The following CGNL1 variants were observed in gnomAD, a reference collection of about 807,000 sequenced individuals.
CGNL1 encodes the protein cingulin like 1.
In CGNL1, 132 loss-of-function variants were observed where a neutral mutation model predicts 141.2. That is an observed-to-expected ratio of 0.93 (90% CI 0.81 to 1.08). The LOEUF is 1.08. CGNL1 is among the 50% of genes least tolerant of loss of function. CGNL1 has a pLI of 0.00. For missense variants in CGNL1, 1,870 were observed against 1,588.6 expected (o/e 1.18, Z -3.01); for synonymous variants, 690 against 622.1 (o/e 1.11, Z -1.63).
chr15:57,396,473 A>G (rs532064511), intron 1 of CGNL1, among the ~76,000 whole-genome samples: 1 of 152,022 alleles, frequency 6.6e-6, no homozygotes, highest in Admixed American at 6.5e-5. Flanking sequence ...GGGTTTCGCC[A>G]TGTTGGCCAG....
At chr15:57,477,500 C>A (rs2063671994) in intron 8 of CGNL1, 2 of 152,150 alleles carry the variant, frequency 1.3e-5, no homozygotes, top group African/African-American at 4.8e-5. Flanking sequence ...GTATTTTGAG[C>A]CAGTTGGGTT....
At chr15:57,486,323 T>A (rs2063784807) in intron 8 of CGNL1, among the ~76,000 whole-genome samples, 1 of 151,772 alleles carries the variant, frequency 6.6e-6, no homozygotes, top group Non-Finnish European at 1.5e-5. Context: ...TTTGTGGAAA[T>A]GGGAATGATA....
At chr15:57,458,902 A>C (rs1348059711) in intron 7 of CGNL1, among the ~76,000 whole-genome samples, 1 of 152,240 alleles carries the variant, frequency 6.6e-6, no homozygotes. Context: ...AATGCCTGCT[A>C]GTTAGATTCT....
At chr15:57,419,675 C>T (rs1002216893) in intron 1 of CGNL1, among the ~76,000 whole-genome samples, 1 of 152,184 alleles carries the variant, frequency 6.6e-6, no homozygotes, top group Non-Finnish European at 1.5e-5. Context: ...ATAAAGCACC[C>T]TTCTCATCAA....
At chr15:57,485,099 C>T (rs578233789) in intron 8 of CGNL1, among the ~76,000 whole-genome samples, 29 of 151,902 alleles carry the variant, frequency 1.9e-4, no homozygotes, top group African/African-American at 6.5e-4. Flanking sequence ...CATTTAATGC[C>T]ATATATTTTA....
At chr15:57,440,277 A>G in intron 2 of CGNL1, 100 bp from the exon 3 acceptor site, 1 of 803,532 alleles carries the variant, frequency 1.2e-6, no homozygotes, top group Non-Finnish European at 2.0e-6. Context: ...TAAATGTTGT[A>G]ACTGGCTCTA....
chr15:57,427,319 T>A (rs766479197), intron 1 of CGNL1, among the ~76,000 whole-genome samples: 63 of 152,348 alleles, frequency 4.1e-4, no homozygotes, highest in Non-Finnish European at 7.8e-4. Context: ...ATCTTCCATG[T>A]TTTTAATAGC....
At chr15:57,386,328 C>T (rs368649020) in intron 1 of CGNL1, among the ~76,000 whole-genome samples, 52 of 152,304 alleles carry the variant, frequency 3.4e-4, no homozygotes, top group East Asian at 1.2e-3. Context: ...CCTCCCATCT[C>T]GTCATGTTGC....
intron 6 of CGNL1, 63 bp downstream of exon 6, chr15:57,452,352 T>C: frequency 6.8e-7 from 1 of 1,468,088 alleles, no homozygotes; most frequent in Non-Finnish European, 9.2e-7. Context: ...AGCTAGAAAC[T>C]TTCTGTCCAT....
At chr15:57,444,582 T>A (rs1000640569) in intron 4 of CGNL1, among the ~76,000 whole-genome samples, 1 of 152,212 alleles carries the variant, frequency 6.6e-6, no homozygotes, top group Non-Finnish European at 1.5e-5. Context: ...GTGAACAGCC[T>A]GAACTGGGTA....
chr15:57,380,423 A>G (rs2062411743), intron 1 of CGNL1, among the ~76,000 whole-genome samples: 1 of 152,182 alleles, frequency 6.6e-6, no homozygotes, highest in African/African-American at 2.4e-5. Flanking sequence ...GGCCTGAGTC[A>G]GGTGGGGATG....
chr15:57,545,540 C>T, intron 16 of CGNL1, 52 bp from the exon 17 acceptor site: 1 of 1,531,084 alleles, frequency 6.5e-7, no homozygotes, highest in Non-Finnish European at 8.9e-7. Flanking sequence ...AGGCTGGGCC[C>T]CCTGCAGGGA....
At chr15:57,436,821 G>A (rs2152303374) in intron 1 of CGNL1, among the ~76,000 whole-genome samples, 1 of 152,182 alleles carries the variant, frequency 6.6e-6, no homozygotes, top group Non-Finnish European at 1.5e-5. Flanking sequence ...TATTCTACCA[G>A]TGTAATCAAG....
At chr15:57,444,868 T>G (rs1167808352) in intron 4 of CGNL1, among the ~76,000 whole-genome samples, 1 of 152,204 alleles carries the variant, frequency 6.6e-6, no homozygotes, top group Non-Finnish European at 1.5e-5. Context: ...GTTACCATTG[T>G]TGGATTTTAA....
intron 8 of CGNL1, among the ~76,000 whole-genome samples, chr15:57,484,102 A>T (rs1427426375): frequency 6.6e-6 from 1 of 152,152 alleles, no homozygotes; most frequent in Non-Finnish European, 1.5e-5. Context: ...TTTGATATTG[A>T]ATAATACTGA....
chr15:57,439,128 A>G lies in CGNL1; in HGVS notation c.1129A>G (p.Arg377Gly), dbSNP rs1172658493. ...QRRGRSGKRN[R>G]INTDDRKRSR... Reference sequence around the variant, plus strand: ...AAGAGGAAGGTCTGGGAAGCGAAACAGAATTAATACAGATGACAGGAAAAG... The same window carrying G: ...AAGAGGAAGGTCTGGGAAGCGAAACGGAATTAATACAGATGACAGGAAAAG... Residue 377 changes from arginine to glycine, a missense_variant, in exon 2 of 19, where the codon AGA becomes GGA. Transcript: ENST00000281282. 1 of 1,614,118 alleles carries G rather than the reference A, an allele frequency of 6.2e-7. No individual in the cohort carries two copies. The highest frequency in any genetic ancestry group is 8.5e-7 in the Non-Finnish European group (1 of 1,180,060).
chr15:57,506,438 A>G (rs188336637), intron 8 of CGNL1, among the ~76,000 whole-genome samples: 7 of 152,304 alleles, frequency 4.6e-5, no homozygotes, highest in African/African-American at 4.8e-5. Flanking sequence ...ACTGGGGAAC[A>G]TTTTGTAAGA....
chr15:57,403,397 C>G (rs921455740), intron 1 of CGNL1, among the ~76,000 whole-genome samples: 2 of 152,200 alleles, frequency 1.3e-5, no homozygotes, highest in African/African-American at 4.8e-5. Flanking sequence ...CATTAAACCT[C>G]CATGCAAAGA....
intron 14 of CGNL1, among the ~76,000 whole-genome samples, chr15:57,537,428 G>T (rs1200951532): frequency 6.6e-6 from 1 of 151,970 alleles, no homozygotes; most frequent in East Asian, 1.9e-4. Context: ...AGATCAGAGG[G>T]GGGTTTTCTT....
Sources: gnomAD v4.1 joint callset for allele counts (sites outside exome capture counted in the v4.1 genomes callset) on GRCh38, gnomAD v4.1.1 for gene constraint, MANE v1.5 for transcripts, NCBI Gene and HGNC (gene_info 2026-07-23, HGNC 2026-07-21) for gene names.